CEP112: variants seen among roughly 807,000 people sequenced by gnomAD.
CEP112 encodes centrosomal protein of 112 kDa.
A neutral mutation model predicts 153.0 loss-of-function variants in CEP112; 127 were observed. The ratio of observed to expected loss-of-function variants is 0.83; its 90% CI spans 0.72 to 0.96. CEP112 has a LOEUF of 0.96. CEP112 is among the 40% of genes least tolerant of loss of function. The pLI is 0.00. For synonymous variants in CEP112, 358 were observed against 374.4 expected, an observed-to-expected ratio of 0.96 and a Z score of 0.51; for missense variants, 1,089 against 1,101.2, an observed-to-expected ratio of 0.99 and a Z score of 0.16.
intron 23 of CEP112, among the ~76,000 whole-genome samples, chr17:65,726,960 C>A (rs1314876458): frequency 6.6e-6 from 1 of 152,144 alleles, no homozygotes; most frequent in Non-Finnish European, 1.5e-5. Flanking sequence ...AACAATCCTG[C>A]AAAGATATTG....
At chr17:65,738,064 A>T (rs551907782) in intron 23 of CEP112, among the ~76,000 whole-genome samples, 1 of 152,334 alleles carries the variant, frequency 6.6e-6, no homozygotes, top group East Asian at 1.9e-4. Context: ...CATGCCATTC[A>T]ATCATACAGG....
rs146358094 is a variant in CEP112, at chr17:65,639,923, C to T, written c.2799+1041G>A. Among the ~76,000 whole-genome samples the T allele has an allele frequency of 6.0e-3, 866 of 145,248 alleles. 11 individuals are homozygous for T. The highest frequency in any genetic ancestry group is 0.021 in the African/African-American group (811 of 38,864). ...CGTGACCTCGGCTCACTGCAACCTCCGCGTCCCAAGTTCAAGTGATTCTCC... is the reference window on the plus strand; with the variant it reads ...CGTGACCTCGGCTCACTGCAACCTCTGCGTCCCAAGTTCAAGTGATTCTCC... On this transcript the variant is annotated intron_variant, in intron 25 of 26. Transcript: ENST00000535342.
chr17:66,113,181 C>T (rs911154227), intron 6 of CEP112, among the ~76,000 whole-genome samples: 2 of 125,504 alleles, frequency 1.6e-5, no homozygotes, highest in African/African-American at 3.6e-5. Context: ...AAAGTACATG[C>T]AATTAAATAT....
chr17:65,901,492 T>G (rs1323605097), intron 20 of CEP112, among the ~76,000 whole-genome samples: 2 of 152,186 alleles, frequency 1.3e-5, no homozygotes, highest in East Asian at 3.8e-4. Context: ...TAATTTTCCA[T>G]GCTGACAGTG....
chr17:65,689,747 G>T (rs2048004143), intron 23 of CEP112, among the ~76,000 whole-genome samples: 1 of 152,134 alleles, frequency 6.6e-6, no homozygotes, highest in Non-Finnish European at 1.5e-5. Context: ...ATGGAAAGAG[G>T]TGAACTCTTT....
chr17:66,148,416 A>C, intron 4 of CEP112, among the ~76,000 whole-genome samples: 1 of 152,166 alleles, frequency 6.6e-6, no homozygotes, highest in South Asian at 2.1e-4. Flanking sequence ...ATTTTGACAG[A>C]GATTGTATGG....
chr17:65,956,130 C>T (rs2061993500), intron 18 of CEP112, among the ~76,000 whole-genome samples: 2 of 151,986 alleles, frequency 1.3e-5, no homozygotes, highest in Non-Finnish European at 1.5e-5. Flanking sequence ...TTAAGAAAAT[C>T]GAAATTATAT....
chr17:65,969,467 A>C (rs963082010), intron 17 of CEP112, among the ~76,000 whole-genome samples: 4 of 152,194 alleles, frequency 2.6e-5, no homozygotes, highest in Non-Finnish European at 4.4e-5. Context: ...TATCACATGC[A>C]TGTGTAATGC....
intron 23 of CEP112, among the ~76,000 whole-genome samples, chr17:65,692,116 G>A (rs1227113310): frequency 6.6e-6 from 1 of 151,802 alleles, no homozygotes; most frequent in Non-Finnish European, 1.5e-5. Context: ...CGACAATTTT[G>A]TGCACCCAGT....
intron 3 of CEP112, among the ~76,000 whole-genome samples, chr17:66,176,335 G>T (rs2072472090): frequency 1.3e-5 from 2 of 152,266 alleles, no homozygotes; most frequent in South Asian, 4.1e-4. Flanking sequence ...AATAATAACT[G>T]CCTTTGCAAT....
At chr17:66,130,092 G>C (rs896870670) in intron 5 of CEP112, among the ~76,000 whole-genome samples, 39 of 152,148 alleles carry the variant, frequency 2.6e-4, no homozygotes. Context: ...AGTTTTGTGT[G>C]CTTGTCTGGT....
chr17:65,701,227 C>T (rs1406158347), intron 23 of CEP112, among the ~76,000 whole-genome samples: 1 of 152,116 alleles, frequency 6.6e-6, no homozygotes, highest in Non-Finnish European at 1.5e-5. Context: ...GGTTGCAGGG[C>T]TTGGTCATGC....
At position 66,056,251 on chromosome 17, in the gene CEP112, A is replaced by G. The variant is rs150445915; in HGVS notation, c.1075-2372T>C. 5.7e-3 allele frequency among the ~76,000 whole-genome samples: 861 copies of G among 152,326 alleles called. 3 individuals are homozygous for G. Among genetic ancestry groups the G allele is most frequent in the African/African-American group, 0.019 (809 of 41,574 alleles). ...TCATGCCAGAGGAGACCCAGAGGCA[A>G]CAGAAATCTGTCCCAAATAAAGGGA... On this transcript the variant is annotated intron_variant, in intron 11 of 26. Transcript: ENST00000535342.
chr17:65,649,073 A>ACAC (rs2045597016), intron 24 of CEP112, among the ~76,000 whole-genome samples: 74 of 139,962 alleles, frequency 5.3e-4, no homozygotes, highest in Admixed American at 1.1e-3. Flanking sequence ...CAAACAAACA[A>ACAC]ACACACACAC....
chr17:65,818,930 C>T (rs1022602307), intron 21 of CEP112, among the ~76,000 whole-genome samples: 40 of 151,908 alleles, frequency 2.6e-4, no homozygotes, highest in African/African-American at 8.9e-4. Flanking sequence ...ACCTATTACA[C>T]CTCCATTCTA....
chr17:65,950,321 A>T (rs1300741993), intron 18 of CEP112, among the ~76,000 whole-genome samples: 1 of 152,206 alleles, frequency 6.6e-6, no homozygotes, highest in Non-Finnish European at 1.5e-5. Flanking sequence ...CAATTATCGG[A>T]GAATTACCAT....
At chr17:66,156,424 A>C (rs1339216542) in intron 4 of CEP112, among the ~76,000 whole-genome samples, 1 of 152,202 alleles carries the variant, frequency 6.6e-6, no homozygotes, top group Non-Finnish European at 1.5e-5. Flanking sequence ...GAAGATGAGG[A>C]AAAACCAGCA....
Position 65,934,097 on chromosome 17 carries a change from G to A in CEP112, c.1873-6408C>T, listed in dbSNP as rs554350723. Among the ~76,000 whole-genome samples, 19 of 152,286 alleles carry A rather than the reference G, an allele frequency of 1.2e-4. No individual in the cohort carries two copies. The East Asian group carries it at 2.1e-3, about 17-fold the overall frequency. On this transcript the variant is annotated intron_variant, in intron 18 of 26. Coordinates refer to ENST00000535342, the MANE Select transcript of CEP112 (RefSeq NM_001199165.4). ...CCCGCTACTCGGGAGGCTGAGGCAC[G>A]AGAACTGCTTGAACCTGGGAGGCGG...
At chr17:65,966,878 T>C (rs540720933) in intron 17 of CEP112, among the ~76,000 whole-genome samples, 2 of 152,324 alleles carry the variant, frequency 1.3e-5, no homozygotes, top group South Asian at 2.1e-4. Flanking sequence ...TTGGTCTTAA[T>C]ATTGAATATA....
Sources: gnomAD v4.1 joint callset for allele counts (sites outside exome capture counted in the v4.1 genomes callset) on GRCh38, gnomAD v4.1.1 for gene constraint, MANE v1.5 for transcripts, NCBI Gene and HGNC (gene_info 2026-07-23, HGNC 2026-07-21) for gene names.